SEMA3E: variants seen among roughly 807,000 people sequenced by gnomAD.
The protein encoded by SEMA3E is semaphorin-3E.
A neutral mutation model predicts 93.6 loss-of-function variants in SEMA3E; 49 were observed. That is an observed-to-expected ratio of 0.52 (90% confidence interval 0.42 to 0.66). The LOEUF is 0.66. SEMA3E is among the 30% of genes least tolerant of loss of function. The pLI is 0.00. For synonymous variants in SEMA3E, 363 were observed against 330.7 expected, an observed-to-expected ratio of 1.10 and a Z score of -1.06; for missense variants, 906 against 964.8, an observed-to-expected ratio of 0.94 and a Z score of 0.81.
intron 1 of SEMA3E, among the ~76,000 whole-genome samples, chr7:83,647,280 A>G (rs1794091231): frequency 1.3e-5 from 2 of 152,166 alleles, no homozygotes; most frequent in Admixed American, 6.5e-5. Context: ...AAAGACAAAA[A>G]GGCCAAACGT....
Position 83,490,102 on chromosome 7 carries a change from A to G in SEMA3E, c.276+12T>C, listed in dbSNP as rs773075471. ...TCTATCTCTACTGAAATGCAGTTTG[A>G]TATTTCTATACCTCTTTATAGCCGT... is the stretch of plus-strand genomic sequence containing the variant. On this transcript the variant is annotated intron_variant, in intron 2 of 16. Transcript: ENST00000643230. The G allele has an allele frequency of 3.1e-6, 5 of 1,611,696 alleles. No individual in the cohort carries two copies. The African/African-American group carries it at 6.7e-5, about 22-fold the overall frequency.
chr7:83,574,028 G>A (rs1297233737), intron 1 of SEMA3E, among the ~76,000 whole-genome samples: 1 of 152,004 alleles, frequency 6.6e-6, no homozygotes, highest in Non-Finnish European at 1.5e-5. Flanking sequence ...ATCTGTGTAA[G>A]TGCTTAATTT....
At chr7:83,497,079 C>G (rs527908726) in intron 1 of SEMA3E, among the ~76,000 whole-genome samples, 4 of 152,198 alleles carry the variant, frequency 2.6e-5, no homozygotes, top group African/African-American at 9.6e-5. Flanking sequence ...ATTATTATTG[C>G]TAAGCTGCAT....
chr7:83,524,545 G>A (rs979544943), intron 1 of SEMA3E, among the ~76,000 whole-genome samples: 11 of 151,964 alleles, frequency 7.2e-5, no homozygotes, highest in African/African-American at 2.2e-4. Context: ...AATTTAACAC[G>A]TCATTCATTG....
At chr7:83,611,616 TC>T (rs1793269074) in intron 1 of SEMA3E, among the ~76,000 whole-genome samples, 1 of 151,648 alleles carries the variant, frequency 6.6e-6, no homozygotes, top group African/African-American at 2.4e-5. Flanking sequence ...TTGGTACCTC[TC>T]TACCTCCCAT....
At chr7:83,632,716 G>A (rs991083749) in intron 1 of SEMA3E, among the ~76,000 whole-genome samples, 5 of 152,078 alleles carry the variant, frequency 3.3e-5, no homozygotes, top group Non-Finnish European at 4.4e-5. Context: ...TGTATTTGGA[G>A]GTCCATCATG....
chr7:83,624,214 A>G (rs889998165), intron 1 of SEMA3E, among the ~76,000 whole-genome samples: 1 of 152,176 alleles, frequency 6.6e-6, no homozygotes, highest in Non-Finnish European at 1.5e-5. Context: ...TAGTAGAATG[A>G]TTTAAAATCA....
At chr7:83,594,772 T>C (rs188482449) in intron 1 of SEMA3E, among the ~76,000 whole-genome samples, 19 of 152,204 alleles carry the variant, frequency 1.2e-4, no homozygotes, top group Non-Finnish European at 2.6e-4. Context: ...CACCCCATCC[T>C]CAGCTCTTGG....
chr7:83,405,353 G>T (rs551588487), intron 9 of SEMA3E, 97 bp downstream of exon 9: 2 of 859,084 alleles, frequency 2.3e-6, no homozygotes, highest in Non-Finnish European at 3.9e-6. Context: ...AGAGCAACTG[G>T]GTCAATAGTC....
intron 1 of SEMA3E, among the ~76,000 whole-genome samples, chr7:83,551,027 C>CTAAG (rs1413454041): frequency 6.6e-6 from 1 of 151,988 alleles, no homozygotes; most frequent in Non-Finnish European, 1.5e-5. Flanking sequence ...AATCAAAGTA[C>CTAAG]TAAGTGTTGG....
intron 5 of SEMA3E, among the ~76,000 whole-genome samples, chr7:83,416,983 A>G (rs1788555589): frequency 2.7e-5 from 1 of 36,484 alleles, no homozygotes; most frequent in African/African-American, 9.0e-5. Context: ...TACTCTGTTT[A>G]TACACACACA....
At chr7:83,487,468 G>A (rs560104832) in intron 2 of SEMA3E, among the ~76,000 whole-genome samples, 2 of 151,890 alleles carry the variant, frequency 1.3e-5, no homozygotes, top group African/African-American at 4.8e-5. Flanking sequence ...TTTAATATGG[G>A]GATCAATCTA....
At chr7:83,537,502 A>G (rs962670617) in intron 1 of SEMA3E, among the ~76,000 whole-genome samples, 3 of 152,156 alleles carry the variant, frequency 2.0e-5, no homozygotes, top group African/African-American at 7.2e-5. Flanking sequence ...GGCAGAAATC[A>G]GGCATGCTTT....
intron 1 of SEMA3E, among the ~76,000 whole-genome samples, chr7:83,642,996 T>C (rs1168075692): frequency 1.3e-5 from 2 of 152,182 alleles, no homozygotes; most frequent in Admixed American, 6.5e-5. Context: ...GATAAAGAAA[T>C]ACATCTTTGC....
intron 1 of SEMA3E, among the ~76,000 whole-genome samples, chr7:83,636,902 A>T (rs1024690732): frequency 1.3e-5 from 2 of 152,064 alleles, no homozygotes; most frequent in African/African-American, 4.8e-5. Flanking sequence ...CCCCAACTTC[A>T]TGCTTTCATA....
chr7:83,475,048 G>T (rs1418095101), intron 2 of SEMA3E, among the ~76,000 whole-genome samples: 1 of 151,272 alleles, frequency 6.6e-6, no homozygotes, highest in East Asian at 1.9e-4. Flanking sequence ...TATCAGGAAA[G>T]ATTTTCATGA....
intron 4 of SEMA3E, among the ~76,000 whole-genome samples, chr7:83,436,373 AT>A (rs1400306397): frequency 6.6e-6 from 1 of 151,502 alleles, no homozygotes; most frequent in African/African-American, 2.4e-5. Flanking sequence ...AAGAATCAAG[AT>A]TTTTTATAAA....
chr7:83,642,463 C>T (rs2190206), intron 1 of SEMA3E, among the ~76,000 whole-genome samples: 7 of 151,930 alleles, frequency 4.6e-5, no homozygotes, highest in African/African-American at 1.7e-4. Flanking sequence ...TCAGAGACTG[C>T]AACACTTGGT....
intron 1 of SEMA3E, among the ~76,000 whole-genome samples, chr7:83,499,064 T>G (rs1309709891): frequency 6.6e-6 from 1 of 152,210 alleles, no homozygotes; most frequent in African/African-American, 2.4e-5. Flanking sequence ...CAAAATATCT[T>G]AGAAGTATTT....
Sources: gnomAD v4.1 joint callset for allele counts (sites outside exome capture counted in the v4.1 genomes callset) on GRCh38, gnomAD v4.1.1 for gene constraint, MANE v1.5 for transcripts, NCBI Gene and HGNC (gene_info 2026-07-23, HGNC 2026-07-21) for gene names.